The following TNFRSF8 variants were observed in gnomAD, a reference collection of about 807,000 sequenced individuals.
TNFRSF8 encodes tumor necrosis factor receptor superfamily member 8.
TNFRSF8 carries 26 observed loss-of-function variants against 70.8 expected under a neutral mutation model. That is an observed-to-expected ratio of 0.37 (90% CI 0.27 to 0.51). The LOEUF (loss-of-function observed/expected upper bound fraction) is 0.51. Ranked by LOEUF, TNFRSF8 falls within the 20% of genes least tolerant of loss-of-function variation. TNFRSF8 has a pLI of 0.94. For missense variants in TNFRSF8, 720 were observed against 807.9 expected (o/e 0.89, Z 1.32); for synonymous variants, 356 against 339.2 (o/e 1.05, Z -0.54).
At chr1:12,075,925 C>T (rs188637383) in intron 1 of TNFRSF8, among the ~76,000 whole-genome samples, 11 of 152,266 alleles carry the variant, frequency 7.2e-5, no homozygotes, top group African/African-American at 1.7e-4. Flanking sequence ...AGATAACCTC[C>T]CCTCTGACCA....
chr1:12,075,525 T>G (rs1382204106), intron 1 of TNFRSF8, among the ~76,000 whole-genome samples: 1 of 152,220 alleles, frequency 6.6e-6, no homozygotes, highest in Non-Finnish European at 1.5e-5. Context: ...TCTTGCATTT[T>G]TAAGTTCCCT....
chr1:12,107,214 G>A (rs925499526), intron 4 of TNFRSF8, among the ~76,000 whole-genome samples: 1 of 152,158 alleles, frequency 6.6e-6, no homozygotes, highest in African/African-American at 2.4e-5. Context: ...GGCCAATGTG[G>A]TGAAACCTCG....
At chr1:12,134,125 A>T (rs1642103313) in intron 12 of TNFRSF8, among the ~76,000 whole-genome samples, 1 of 152,176 alleles carries the variant, frequency 6.6e-6, no homozygotes. Flanking sequence ...TCTTGCGTAT[A>T]CTTTATCCTA....
At chr1:12,107,754 C>G (rs573953124) in intron 4 of TNFRSF8, among the ~76,000 whole-genome samples, 4 of 152,032 alleles carry the variant, frequency 2.6e-5, no homozygotes, top group Admixed American at 1.3e-4. Context: ...GGCAGCTCTC[C>G]GGGGTTGTTG....
chr1:12,093,279 A>G (rs532189297), intron 2 of TNFRSF8, among the ~76,000 whole-genome samples: 1 of 152,282 alleles, frequency 6.6e-6, no homozygotes, highest in African/African-American at 2.4e-5. Context: ...AATTTAATCC[A>G]TACCAACATT....
At chr1:12,133,694 C>T (rs1265337280) in intron 12 of TNFRSF8, among the ~76,000 whole-genome samples, 1 of 141,720 alleles carries the variant, frequency 7.1e-6, no homozygotes, top group Non-Finnish European at 1.5e-5. Flanking sequence ...GAGCCGAGAT[C>T]GCGCTGCTGC....
chr1:12,099,000 A>G (rs888597575), intron 3 of TNFRSF8, among the ~76,000 whole-genome samples: 5 of 152,142 alleles, frequency 3.3e-5, no homozygotes, highest in African/African-American at 1.2e-4. Flanking sequence ...TTTATTTGGC[A>G]CAGCTTCTCT....
Position 12,138,959 on chromosome 1 carries a change from C to T in TNFRSF8, c.1543+523C>T, listed in dbSNP as rs531280281. ...CCCGCATCTGCTGGGCCTTGAAGCC[C>T]GTGGTTTGTCCACGTTACCACCCAC... On this transcript the variant is annotated intron_variant, in intron 14 of 14. Coordinates refer to ENST00000263932, the MANE Select transcript of TNFRSF8 (RefSeq NM_001243.5). This position sits in a 1 kb window ranked among gnomAD's most constrained non-coding sequence, Gnocchi z 5.7. Among the ~76,000 whole-genome samples, 2 of 152,298 alleles carry T rather than the reference C, an allele frequency of 1.3e-5. No individual in the cohort carries two copies. Among genetic ancestry groups the T allele is most frequent in the East Asian group, 3.9e-4 (2 of 5,186 alleles).
intron 4 of TNFRSF8, among the ~76,000 whole-genome samples, chr1:12,107,601 C>T (rs1014124807): frequency 3.3e-5 from 5 of 151,944 alleles, no homozygotes; most frequent in Non-Finnish European, 7.4e-5. Flanking sequence ...TTCTTTTTAC[C>T]TTTTAAAGTG....
chr1:12,132,837 C>CAAAAAAA (rs55643235), intron 12 of TNFRSF8, among the ~76,000 whole-genome samples: 2 of 74,414 alleles, frequency 2.7e-5, no homozygotes. Context: ...GACTCCATCT[C>CAAAAAAA]AAAAAAAAAA....
chr1:12,134,782 G>A (rs1355839797), intron 12 of TNFRSF8, among the ~76,000 whole-genome samples: 2 of 152,178 alleles, frequency 1.3e-5, no homozygotes, highest in African/African-American at 2.4e-5. Context: ...CCATCATCCT[G>A]TCTCCATGAC....
intron 8 of TNFRSF8, among the ~76,000 whole-genome samples, chr1:12,121,860 C>T (rs1267390289): frequency 6.6e-6 from 1 of 152,222 alleles, no homozygotes; most frequent in Non-Finnish European, 1.5e-5. Context: ...GGTATGTAAA[C>T]AGTGGTTCAT....
Position 12,109,466 on chromosome 1 carries a change from G to A in TNFRSF8, c.422-100G>A. On this transcript the variant is annotated intron_variant, in intron 4 of 14. Transcript: ENST00000263932. The surrounding 1 kb of genome is among the most constrained non-coding windows in gnomAD (Gnocchi z 4.4). The stretch of plus-strand genomic sequence containing the variant: ...CCAGATGACTGCTGTGTTTTCCAAG[G>A]GCCCCATCTCCGACTCTGGCCTGTG... 2.2e-6 allele frequency: 2 copies of A among 927,762 alleles called. No individual in the cohort carries two copies. Among genetic ancestry groups the A allele is most frequent in the Non-Finnish European group, 3.3e-6 (2 of 606,936 alleles). The allele number at this position is 927,762 out of a possible 1,614,324, so 57.5% of individuals were successfully genotyped here. A position where few individuals can be genotyped will look rare whatever the true frequency, so the allele number is the denominator to read the frequency against.
intron 1 of TNFRSF8, among the ~76,000 whole-genome samples, chr1:12,067,905 G>GT (rs1490161904): frequency 3.7e-5 from 5 of 135,276 alleles, no homozygotes; most frequent in Non-Finnish European, 8.0e-5. Context: ...CGGGGGGGCG[G>GT]GGGGGGGACC....
intron 4 of TNFRSF8, among the ~76,000 whole-genome samples, chr1:12,107,558 C>T (rs1036690748): frequency 8.1e-6 from 1 of 123,570 alleles, no homozygotes; most frequent in African/African-American, 3.9e-5. Context: ...TTTAGATATA[C>T]TGGGTTAAAT....
chr1:12,069,380 T>C (rs1182867900), intron 1 of TNFRSF8, among the ~76,000 whole-genome samples: 1 of 151,596 alleles, frequency 6.6e-6, no homozygotes, highest in African/African-American at 2.4e-5. Context: ...GATTTCACCA[T>C]GTTAGCCGGG....
chr1:12,068,430 A>G (rs1468444789), intron 1 of TNFRSF8, among the ~76,000 whole-genome samples: 2 of 152,144 alleles, frequency 1.3e-5, no homozygotes. Context: ...AGCCCACCAC[A>G]GACTAGACAC....
At chr1:12,126,596 C>T (rs1366250205) in intron 12 of TNFRSF8, among the ~76,000 whole-genome samples, 1 of 152,204 alleles carries the variant, frequency 6.6e-6, no homozygotes, top group Non-Finnish European at 1.5e-5. Flanking sequence ...TCTACCCTCC[C>T]TTTCTCCCTC....
intron 1 of TNFRSF8, chr1:12,080,515 C>T (rs1641045923): frequency 4.1e-6 from 2 of 484,384 alleles, no homozygotes; most frequent in Non-Finnish European, 4.0e-6. Context: ...GCTTGTTTCT[C>T]CTGGGAACGC....
Sources: gnomAD v4.1 joint callset for allele counts (sites outside exome capture counted in the v4.1 genomes callset) on GRCh38, gnomAD v4.1.1 for gene constraint, Gnocchi (gnomAD v3.1) non-coding constraint, MANE v1.5 for transcripts, NCBI Gene and HGNC (gene_info 2026-07-23, HGNC 2026-07-21) for gene names.